The following TMEM9 variants were observed in gnomAD, a reference collection of about 807,000 sequenced individuals.
TMEM9 encodes proton-transporting V-type ATPase complex assembly regulator TMEM9.
A neutral mutation model predicts 22.8 loss-of-function variants in TMEM9; 13 were observed. That is an observed-to-expected ratio of 0.57 (90% CI 0.37 to 0.91). The LOEUF is 0.91. TMEM9 is among the 40% of genes least tolerant of loss of function. TMEM9 has a pLI of 0.01. For missense variants in TMEM9, 182 were observed against 238.1 expected (o/e 0.76, Z 1.55); for synonymous variants, 88 against 93.0 (o/e 0.95, Z 0.31).
intron 3 of TMEM9, chr1:201,145,023 T>G (rs571143248): frequency 6.6e-6 from 1 of 152,372 alleles, no homozygotes; most frequent in South Asian, 2.1e-4. Context: ...GCTCAGCCAA[T>G]AGCCAAGTTC....
chr1:201,160,050 G>A (rs1665903201), intron 1 of TMEM9, among the ~76,000 whole-genome samples: 1 of 152,134 alleles, frequency 6.6e-6, no homozygotes, highest in African/African-American at 2.4e-5. Flanking sequence ...CTAACTTTTT[G>A]GTTTCAGTGT....
intron 1 of TMEM9, among the ~76,000 whole-genome samples, chr1:201,166,114 C>T (rs1666070391): frequency 6.6e-6 from 1 of 152,140 alleles, no homozygotes; most frequent in Non-Finnish European, 1.5e-5. Context: ...CCTATAAAAT[C>T]CCCGGCAAAC....
At chr1:201,167,102 T>C (rs763481352) in intron 1 of TMEM9, among the ~76,000 whole-genome samples, 9 of 152,242 alleles carry the variant, frequency 5.9e-5, no homozygotes, top group Non-Finnish European at 8.8e-5. Context: ...GGATAAAGTA[T>C]ACAAATCTTA....
Position 201,154,058 on chromosome 1 carries a change from G to C in TMEM9, c.-135C>G, listed in dbSNP as rs1187269314. On this transcript the variant is annotated 5_prime_UTR_variant, in exon 1 of 5. Transcript: ENST00000367330. ...TCCGGCCAAGTGGGAATGGGGTTGG[G>C]GGCTGGGCTCCAGGATTCCAAGGCC... The C allele has an allele frequency of 1.9e-6, 2 of 1,063,852 alleles. No homozygotes were observed. The highest frequency in any genetic ancestry group is 2.9e-5 in the Admixed American group (1 of 34,408). The allele number at this position is 1,063,852 out of a possible 1,614,324, so 65.9% of individuals were successfully genotyped here.
At chr1:201,160,936 CAA>C (rs36053036) in intron 1 of TMEM9, among the ~76,000 whole-genome samples, 16 of 115,490 alleles carry the variant, frequency 1.4e-4, no homozygotes, top group African/African-American at 1.8e-4. Flanking sequence ...ACTCTGTCTC[CAA>C]AAAAAAAAAA....
intron 2 of TMEM9, 129 bp from the exon 3 acceptor site, chr1:201,146,977 G>T: frequency 1.3e-6 from 1 of 743,956 alleles, no homozygotes. Context: ...CTCCCAGAGA[G>T]GGCCAAGGGC....
chr1:201,171,407 C>G (rs1278906617), intron 1 of TMEM9: 1 of 152,252 alleles, frequency 6.6e-6, no homozygotes, highest in Non-Finnish European at 1.5e-5. Flanking sequence ...CTGGGTCCTT[C>G]TGATCCCAGA....
chr1:201,146,656 G>A (rs1177967191), intron 3 of TMEM9, 84 bp downstream of exon 3: 1 of 1,388,782 alleles, frequency 7.2e-7, no homozygotes, highest in Middle Eastern at 1.8e-4. Flanking sequence ...CCAGAATAAA[G>A]TGAAAAACTG....
intron 1 of TMEM9, among the ~76,000 whole-genome samples, chr1:201,162,118 T>C (rs2102293250): frequency 6.6e-6 from 1 of 152,064 alleles, no homozygotes; most frequent in Middle Eastern, 3.4e-3. Context: ...AGTGGAGGTA[T>C]AGACATATAG....
At chr1:201,168,988 A>G (rs115095890) in intron 1 of TMEM9, among the ~76,000 whole-genome samples, 8,379 of 126,664 alleles carry the variant, frequency 0.066, 337 homozygotes, top group Non-Finnish European at 0.095. Context: ...TTTTTTTTAG[A>G]GATGGGGTCT....
chr1:201,142,465 C>T (rs1664612657), intron 4 of TMEM9, among the ~76,000 whole-genome samples: 1 of 152,232 alleles, frequency 6.6e-6, no homozygotes, highest in African/African-American at 2.4e-5. Flanking sequence ...CAGCCTCCTC[C>T]TCATATTGTG....
intron 2 of TMEM9, among the ~76,000 whole-genome samples, chr1:201,148,085 T>C (rs1046318464): frequency 2.0e-5 from 3 of 152,232 alleles, no homozygotes; most frequent in African/African-American, 7.2e-5. Context: ...GCAGGCTTAG[T>C]AACTACATGA....
intron 3 of TMEM9, chr1:201,145,415 G>C (rs975749934): frequency 6.6e-6 from 1 of 152,518 alleles, no homozygotes; most frequent in Non-Finnish European, 1.5e-5. Context: ...GGTCTGCACA[G>C]GGCACTGGCT....
At position 201,143,817 on chromosome 1, in the gene TMEM9, T is replaced by C; in HGVS notation, c.399+3A>G. On this transcript the variant is annotated splice_donor_region_variant and intron_variant, in intron 4 of 4. Coordinates refer to ENST00000367330, the MANE Select transcript of TMEM9 (RefSeq NM_001288565.2). ...AGGGCCTGGGCACTCAAAGCCCTCT[T>C]ACCTCATTCTCCTCCTCATTGTGCA... 2 of 1,613,888 alleles carry C rather than the reference T, an allele frequency of 1.2e-6. No individual in the cohort carries two copies. The highest frequency in any genetic ancestry group is 1.7e-6 in the Non-Finnish European group (2 of 1,179,894).
intron 2 of TMEM9, among the ~76,000 whole-genome samples, chr1:201,147,731 T>C (rs546024126): frequency 9.2e-5 from 14 of 152,266 alleles, no homozygotes; most frequent in South Asian, 4.1e-4. Context: ...GCTAACTCAA[T>C]TGCTCTGCCA....
intron 1 of TMEM9, among the ~76,000 whole-genome samples, chr1:201,168,674 G>C (rs1353812257): frequency 1.3e-5 from 2 of 152,190 alleles, no homozygotes; most frequent in African/African-American, 2.4e-5. Context: ...AGTTGATATT[G>C]CACCACTGTA....
chr1:201,153,879 C>A lies in TMEM9; in HGVS notation c.45G>T (p.Val15=), dbSNP rs767648768. 1.2e-6 allele frequency: 2 copies of A among 1,614,114 alleles called. No homozygotes were observed. Among genetic ancestry groups the A allele is most frequent in the Middle Eastern group, 1.7e-4 (1 of 6,058 alleles). Residue 15 remains valine (V), a synonymous_variant, in exon 1 of 5, where the codon GTG becomes GTT. Transcript: ENST00000367330. ...SLVAVVGCLL[V]PPAEANKSSE... is the part of the protein sequence containing the mutation. ...TCACCTTGTTGGCTTCAGCTGGGGG[C>A]ACCAGCAAACACCCGACCACAGCCA...
At chr1:201,153,253 G>C (rs763573694) in intron 1 of TMEM9, among the ~76,000 whole-genome samples, 3 of 152,024 alleles carry the variant, frequency 2.0e-5, no homozygotes, top group African/African-American at 7.2e-5. Flanking sequence ...AATATTTATC[G>C]GTAGCATATA....
intron 3 of TMEM9, 117 bp from the exon 4 acceptor site, chr1:201,144,068 G>A: frequency 8.3e-7 from 1 of 1,207,650 alleles, no homozygotes; most frequent in Middle Eastern, 2.1e-4. Flanking sequence ...GGTGCACTAA[G>A]AAAGGACTTG....
Sources: allele counts gnomAD v4.1 joint callset (sites outside exome capture counted in the v4.1 genomes callset), GRCh38; gene constraint gnomAD v4.1.1; transcripts MANE v1.5; gene names NCBI Gene and HGNC (gene_info 2026-07-23, HGNC 2026-07-21).